SHROOM3: variants seen among roughly 807,000 people sequenced by gnomAD.
SHROOM3 encodes the protein shroom family member 3.
SHROOM3 carries 47 observed loss-of-function variants against 138.6 expected under a neutral mutation model. That is an observed-to-expected ratio of 0.34 (90% CI 0.27 to 0.43). The LOEUF (loss-of-function observed/expected upper bound fraction) is 0.43. Ranked by LOEUF, SHROOM3 falls within the 20% of genes least tolerant of loss-of-function variation. The pLI, the probability that SHROOM3 is intolerant of heterozygous loss-of-function variation, is 1.00. For synonymous variants in SHROOM3, 1,062 were observed against 1,063.3 expected (o/e 1.00, Z 0.02); for missense variants, 2,491 against 2,596.5 (o/e 0.96, Z 0.88).
chr4:76,590,509 C>CT (rs34593122), intron 2 of SHROOM3, among the ~76,000 whole-genome samples: 22,947 of 137,440 alleles, frequency 0.17, 1,902 homozygotes, highest in East Asian at 0.28. Flanking sequence ...AAGAATGGTG[C>CT]TTTTTTTTTT....
intron 1 of SHROOM3, among the ~76,000 whole-genome samples, chr4:76,493,002 C>T (rs1310021255): frequency 1.3e-5 from 2 of 152,028 alleles, no homozygotes; most frequent in Non-Finnish European, 1.5e-5. Context: ...GGGTGAATCA[C>T]CTGAGGTCAG....
chr4:76,437,922 T>G (rs991163247), intron 1 of SHROOM3, among the ~76,000 whole-genome samples: 4 of 152,150 alleles, frequency 2.6e-5, no homozygotes, highest in Non-Finnish European at 4.4e-5. Flanking sequence ...GACAGAAAGG[T>G]CTAATCCTCC....
intron 2 of SHROOM3, among the ~76,000 whole-genome samples, chr4:76,668,534 T>A (rs1718783888): frequency 1.3e-5 from 2 of 151,838 alleles, no homozygotes; most frequent in Admixed American, 1.3e-4. Context: ...GATTGTGCCA[T>A]TGCACTCCAG....
chr4:76,771,700 T>A (rs1722363995), intron 10 of SHROOM3, among the ~76,000 whole-genome samples: 1 of 152,176 alleles, frequency 6.6e-6, no homozygotes, highest in African/African-American at 2.4e-5. Flanking sequence ...CTTCCACCTG[T>A]CAGGCACTGT....
intron 2 of SHROOM3, among the ~76,000 whole-genome samples, chr4:76,686,999 T>C (rs1192890058): frequency 1.3e-5 from 2 of 152,332 alleles, no homozygotes; most frequent in African/African-American, 2.4e-5. Flanking sequence ...CCAGTCTCTC[T>C]GGTCTTTCCT....
intron 2 of SHROOM3, among the ~76,000 whole-genome samples, chr4:76,640,159 T>C (rs150901239): frequency 6.6e-6 from 1 of 152,272 alleles, no homozygotes; most frequent in East Asian, 1.9e-4. Context: ...AGAATTTGTT[T>C]TGTATACCCT....
At chr4:76,689,755 GC>G (rs1215552728) in intron 2 of SHROOM3, 1 of 984,930 alleles carries the variant, frequency 1.0e-6, no homozygotes, top group East Asian at 1.1e-4. Flanking sequence ...CCGGCCGGCT[GC>G]TTTCTGGAGC....
At chr4:76,557,400 G>A (rs537840021) in intron 2 of SHROOM3, among the ~76,000 whole-genome samples, 1 of 152,244 alleles carries the variant, frequency 6.6e-6, no homozygotes, top group African/African-American at 2.4e-5. Flanking sequence ...CTTATACATG[G>A]TGTATAAAAA....
At chr4:76,629,300 G>A (rs1158485095) in intron 2 of SHROOM3, among the ~76,000 whole-genome samples, 1 of 152,224 alleles carries the variant, frequency 6.6e-6, no homozygotes, top group Non-Finnish European at 1.5e-5. Context: ...TTGAAAAAGA[G>A]CAAGAAGGCC....
At chr4:76,455,483 C>A (rs13146564) in intron 1 of SHROOM3, among the ~76,000 whole-genome samples, 108,520 of 151,764 alleles carry the variant, frequency 0.72, 39,119 homozygotes, top group East Asian at 0.79. Context: ...AAATATTTAC[C>A]TAGCAAAAAC....
chr4:76,589,905 G>C (rs1188564473), intron 2 of SHROOM3, among the ~76,000 whole-genome samples: 1 of 152,186 alleles, frequency 6.6e-6, no homozygotes, highest in Non-Finnish European at 1.5e-5. Flanking sequence ...TCCTAGTGTG[G>C]AAGAGAGAGA....
chr4:76,680,597 T>A (rs954415245), intron 2 of SHROOM3, among the ~76,000 whole-genome samples: 2 of 152,200 alleles, frequency 1.3e-5, no homozygotes, highest in Non-Finnish European at 2.9e-5. Context: ...TGCTGCCTGA[T>A]TAATAAGAGC....
chr4:76,730,870 T>G lies in SHROOM3; in HGVS notation c.522T>G (p.Asp174Glu). Reference sequence around the variant, plus strand: ...CTAAATCTGGGGAGAAGCAACCCGATGCCAGCATGATGCAGATATCTCAGG... The same window carrying G: ...CTAAATCTGGGGAGAAGCAACCCGAGGCCAGCATGATGCAGATATCTCAGG... ...HTTKSGEKQPDASMMQISQGM... is the reference protein window; with the variant it reads ...HTTKSGEKQPEASMMQISQGM... Residue 174 changes from aspartate to glutamate, a missense_variant, in exon 4 of 11, where the codon GAT becomes GAG. Asp to Glu is a conservative substitution (Grantham distance 45). Coordinates refer to ENST00000296043, the MANE Select transcript of SHROOM3 (RefSeq NM_020859.4). 6.2e-7 allele frequency: 1 copy of G among 1,614,124 alleles called. No individual in the cohort carries two copies. The highest frequency in any genetic ancestry group is 8.5e-7 in the Non-Finnish European group (1 of 1,180,024).
At chr4:76,438,933 A>G (rs1466700954) in intron 1 of SHROOM3, among the ~76,000 whole-genome samples, 2 of 152,186 alleles carry the variant, frequency 1.3e-5, no homozygotes, top group Non-Finnish European at 2.9e-5. Flanking sequence ...AACAGAACCA[A>G]TGAGGATGCC....
At chr4:76,683,073 A>C (rs1719244074) in intron 2 of SHROOM3, among the ~76,000 whole-genome samples, 2 of 152,244 alleles carry the variant, frequency 1.3e-5, no homozygotes. Context: ...ACCACATTAC[A>C]TAAAAGCCTC....
At position 76,480,841 on chromosome 4, in the gene SHROOM3, G is replaced by A. The variant is rs563767857; in HGVS notation, c.168+44621G>A. 4.6e-5 allele frequency among the ~76,000 whole-genome samples: 7 copies of A among 152,140 alleles called. No homozygotes were observed. The South Asian group carries it at 6.2e-4, about 14-fold the overall frequency. ...AGGATTAAGAAACTCACTCAAAACC[G>A]AACAGCTACATGGAAACTGAACAAC... On this transcript the variant is annotated intron_variant, in intron 1 of 10. Coordinates refer to ENST00000296043, the MANE Select transcript of SHROOM3 (RefSeq NM_020859.4).
intron 1 of SHROOM3, among the ~76,000 whole-genome samples, chr4:76,487,505 A>T (rs1731757273): frequency 6.6e-6 from 1 of 152,122 alleles, no homozygotes; most frequent in Non-Finnish European, 1.5e-5. Flanking sequence ...TAATTTAGAA[A>T]TCTCTACATT....
At chr4:76,599,013 A>C (rs1734447945) in intron 2 of SHROOM3, among the ~76,000 whole-genome samples, 1 of 152,120 alleles carries the variant, frequency 6.6e-6, no homozygotes, top group Non-Finnish European at 1.5e-5. Context: ...TGGTGCATTG[A>C]ATATCCAGAA....
At chr4:76,771,326 C>T (rs1428431812) in intron 10 of SHROOM3, among the ~76,000 whole-genome samples, 1 of 150,988 alleles carries the variant, frequency 6.6e-6, no homozygotes, top group Non-Finnish European at 1.5e-5. Flanking sequence ...TGCAGTGAGC[C>T]GAGATCACGC....
Sources: allele counts gnomAD v4.1 joint callset (sites outside exome capture counted in the v4.1 genomes callset), GRCh38; gene constraint gnomAD v4.1.1; transcripts MANE v1.5; gene names NCBI Gene and HGNC (gene_info 2026-07-23, HGNC 2026-07-21).